The following NIPSNAP3A variants were observed in gnomAD, a reference collection of about 807,000 sequenced individuals.
NIPSNAP3A encodes protein NipSnap homolog 3A.
Under a neutral mutation model 32.3 loss-of-function variants are expected in NIPSNAP3A, and 27 were observed. That is an observed-to-expected ratio of 0.84 (90% CI 0.62 to 1.15). NIPSNAP3A has a LOEUF of 1.15. Among genes scored for constraint, NIPSNAP3A ranks in the 50% most tolerant of loss-of-function variants. The pLI, the probability that NIPSNAP3A is intolerant of heterozygous loss-of-function variation, is 0.00. For synonymous variants in NIPSNAP3A, 108 were observed against 107.3 expected (o/e 1.01, Z -0.04); for missense variants, 278 against 297.2 (o/e 0.94, Z 0.48).
intron 4 of NIPSNAP3A, among the ~76,000 whole-genome samples, chr9:104,757,158 G>T (rs1827915929): frequency 6.6e-6 from 1 of 152,108 alleles, no homozygotes; most frequent in Non-Finnish European, 1.5e-5. Flanking sequence ...CAGAAAATGT[G>T]TGTTCATACA....
At position 104,748,282 on chromosome 9, in the gene NIPSNAP3A, G is replaced by A. The variant is rs900133527; in HGVS notation, c.60+430G>A. 6.6e-5 allele frequency among the ~76,000 whole-genome samples: 10 copies of A among 152,316 alleles called. No individual in the cohort carries two copies. The East Asian group carries it at 9.6e-4, about 15-fold the overall frequency. On this transcript the variant is annotated intron_variant, in intron 1 of 5. Transcript: ENST00000374767. ...AAGCCACCGCCCTCTCTAGACATCAGGTTGAAGGAGGGAATTGTCAACCAG... is the reference window on the plus strand; with the variant it reads ...AAGCCACCGCCCTCTCTAGACATCAAGTTGAAGGAGGGAATTGTCAACCAG...
intron 3 of NIPSNAP3A, 139 bp from the exon 4 acceptor site, chr9:104,754,412 A>G (rs892804568): frequency 1.4e-6 from 1 of 695,808 alleles, no homozygotes; most frequent in Non-Finnish European, 2.4e-6. Context: ...TGCAAATATA[A>G]TAAACATGTC....
rs779088185 is a variant in NIPSNAP3A at position 104,747,809 on chromosome 9, G to A, written c.17G>A (p.Ser6Asn). 2.5e-6 allele frequency: 4 copies of A among 1,609,568 alleles called. No individual in the cohort carries two copies. The highest frequency in any genetic ancestry group is 2.2e-5 in the South Asian group (2 of 90,642). MLVLR[S>N]ALTRALASRT... Reference sequence around the variant, plus strand: ...AGCCGCGCCATGCTCGTCCTCAGAAGCGCCCTGACTCGGGCGCTGGCCTCA... The same window carrying A: ...AGCCGCGCCATGCTCGTCCTCAGAAACGCCCTGACTCGGGCGCTGGCCTCA... Residue 6 changes from serine to asparagine, a missense_variant, in exon 1 of 6, where the codon AGC becomes AAC. Transcript: ENST00000374767.
At position 104,747,799 on chromosome 9, in the gene NIPSNAP3A, G is replaced by C. The variant is rs747896387; in HGVS notation, c.7G>C (p.Val3Leu). The part of the protein sequence containing the change: ML[V>L]LRSALTRALA... ...TCAGCGCCGAAGCCGCGCCATGCTCGTCCTCAGAAGCGCCCTGACTCGGGC... is the reference window on the plus strand; with the variant it reads ...TCAGCGCCGAAGCCGCGCCATGCTCCTCCTCAGAAGCGCCCTGACTCGGGC... Residue 3 changes from valine to leucine, a missense_variant, in exon 1 of 6, where the codon GTC (valine) becomes CTC (leucine). Transcript: ENST00000374767. 9.9e-6 allele frequency: 16 copies of C among 1,608,880 alleles called. No homozygotes were observed. Among genetic ancestry groups the C allele is most frequent in the Non-Finnish European group, 1.2e-5 (14 of 1,178,970 alleles).
At position 104,754,365 on chromosome 9, in the gene NIPSNAP3A, A is replaced by G. The variant is rs551493305; in HGVS notation, c.431-186A>G. On this transcript the variant is annotated intron_variant, in intron 3 of 5. Transcript: ENST00000374767. ...ATTAAGCATAACAACTCACTCTTAA[A>G]CATGGGCAAGGACTTTCTAAGCATA... 46 of 559,482 alleles carry G rather than the reference A, an allele frequency of 8.2e-5. 1 individual carries two copies. The South Asian group carries it at 1.0e-3, about 12-fold the overall frequency. The allele number at this position is 559,482 out of a possible 1,614,324, so 34.7% of individuals were successfully genotyped here.
At chr9:104,755,553 T>C (rs1346675460) in intron 4 of NIPSNAP3A, among the ~76,000 whole-genome samples, 1 of 152,176 alleles carries the variant, frequency 6.6e-6, no homozygotes, top group African/African-American at 2.4e-5. Flanking sequence ...TAACTTGTAA[T>C]GTTGAAAAAC....
intron 3 of NIPSNAP3A, 192 bp from the exon 4 acceptor site, chr9:104,754,359 T>G: frequency 1.8e-6 from 1 of 551,132 alleles, no homozygotes; most frequent in Admixed American, 3.2e-5. Context: ...AACAACTCAC[T>G]CTTAAACATG....
In NIPSNAP3A at chr9:104,747,844, G is replaced by T; in HGVS notation, c.52G>T (p.Ala18Ser). 1 of 1,608,266 alleles carries T rather than the reference G, an allele frequency of 6.2e-7. No individual in the cohort carries two copies. The highest frequency in any genetic ancestry group is 8.5e-7 in the Non-Finnish European group (1 of 1,178,872). The change falls in exon 1 of 6, where the codon GCG becomes TCG. Residue 18 changes from alanine to serine, a missense_variant. Coordinates refer to ENST00000374767, the MANE Select transcript of NIPSNAP3A (RefSeq NM_015469.3). Reference protein sequence around the residue: ...LTRALASRTLAPQMCSSFATG... With the variant: ...LTRALASRTLSPQMCSSFATG... ...TCGGGCGCTGGCCTCACGGACGCTG[G>T]CGCCTCAGGTACCGGCCACGGGGGT...
At chr9:104,751,437 T>C (rs1049474797) in intron 2 of NIPSNAP3A, among the ~76,000 whole-genome samples, 1 of 152,162 alleles carries the variant, frequency 6.6e-6, no homozygotes, top group African/African-American at 2.4e-5. Context: ...AGCGATAAAA[T>C]TGTGAACTAG....
In NIPSNAP3A at chr9:104,758,628, G is replaced by A. The variant is rs114658338; in HGVS notation, c.581-457G>A. ...TGAAATCTTATCAGTAACATATTTAGTTTTACCTTTTTGATATCACTATTT... is the reference window on the plus strand; with the variant it reads ...TGAAATCTTATCAGTAACATATTTAATTTTACCTTTTTGATATCACTATTT... On this transcript the variant is annotated intron_variant, in intron 4 of 5. Coordinates refer to ENST00000374767, the MANE Select transcript of NIPSNAP3A (RefSeq NM_015469.3). Among the ~76,000 whole-genome samples the A allele has an allele frequency of 7.5e-3, 1,135 of 152,032 alleles. 22 individuals carry two copies. Among genetic ancestry groups the A allele is most frequent in the African/African-American group, 0.026 (1,072 of 41,448 alleles).
intron 3 of NIPSNAP3A, chr9:104,753,499 G>C (rs1047574796): frequency 1.3e-5 from 2 of 159,684 alleles, no homozygotes; most frequent in African/African-American, 4.8e-5. Context: ...TTATAAAACT[G>C]AGTATTTGGG....
intron 4 of NIPSNAP3A, 65 bp downstream of exon 4, chr9:104,754,765 C>T: frequency 7.7e-7 from 1 of 1,305,088 alleles, no homozygotes; most frequent in Non-Finnish European, 1.1e-6. Context: ...TTCCTTGGGT[C>T]AGGTTCTTTC....
intron 1 of NIPSNAP3A, 94 bp from the exon 2 acceptor site, chr9:104,750,862 T>C (rs1827839675): frequency 2.1e-6 from 2 of 955,184 alleles, no homozygotes; most frequent in Admixed American, 1.7e-5. Flanking sequence ...AATGAGTCTA[T>C]GAGTGTCCCT....
At position 104,751,059 on chromosome 9, in the gene NIPSNAP3A, A is replaced by C; in HGVS notation, c.164A>C (p.Asn55Thr). ...KPSKMNEFLENFEKNAHLRTA... is the reference protein window; with the variant it reads ...KPSKMNEFLETFEKNAHLRTA... ...TCAAAGATGAATGAGTTCCTGGAAA[A>C]TTTTGAGAAAAACGCTCATCTTCGG... is the stretch of plus-strand genomic sequence containing the variant. Residue 55 changes from asparagine (N) to threonine (T), a missense_variant, in exon 2 of 6, where the codon AAT (asparagine) becomes ACT (threonine). Asn to Thr is a moderately conservative substitution (Grantham distance 65, BLOSUM62 0). Transcript: ENST00000374767. 1 of 1,614,050 alleles carries C rather than the reference A, an allele frequency of 6.2e-7. No individual in the cohort carries two copies. Among genetic ancestry groups the C allele is most frequent in the Middle Eastern group, 1.7e-4 (1 of 6,060 alleles).
chr9:104,750,183 T>C (rs1198242257), intron 1 of NIPSNAP3A, among the ~76,000 whole-genome samples: 1 of 152,240 alleles, frequency 6.6e-6, no homozygotes, highest in Non-Finnish European at 1.5e-5. Flanking sequence ...TGCATAACTG[T>C]AACACGTATG....
chr9:104,759,904 T>C lies in NIPSNAP3A; in HGVS notation c.*566T>C, dbSNP rs1827953786. Reference sequence around the variant, plus strand: ...ATATGGTTTTCACATTAGTTATTTGTCACTTACTTGGAAAATGATGCTGTT... The same window carrying C: ...ATATGGTTTTCACATTAGTTATTTGCCACTTACTTGGAAAATGATGCTGTT... On this transcript the variant is annotated 3_prime_UTR_variant, in exon 6 of 6. Transcript: ENST00000374767. 1 of 152,454 alleles carries C rather than the reference T, an allele frequency of 6.6e-6. No homozygotes were observed. The allele number at this position is 152,454 out of a possible 1,614,324, so 9.4% of individuals were successfully genotyped here.
Position 104,752,796 on chromosome 9 carries a change from A to G in NIPSNAP3A, c.272-110A>G, listed in dbSNP as rs1827861217. 3 of 915,012 alleles carry G rather than the reference A, an allele frequency of 3.3e-6. No individual in the cohort carries two copies. In the South Asian group the frequency reaches 4.4e-5, roughly 13 times the overall value. 56.7% of individuals were successfully genotyped at this position (915,012 alleles called of 1,614,324 possible). On this transcript the variant is annotated intron_variant, in intron 2 of 5. Transcript: ENST00000374767. ...GTTGGTGTCTCCAAAGGCCTAACAC[A>G]AGGTTCTTATATGGCATCAATGACC...
At chr9:104,758,977 A>G (rs1827940584) in intron 4 of NIPSNAP3A, 108 bp from the exon 5 acceptor site, 1 of 893,524 alleles carries the variant, frequency 1.1e-6, no homozygotes, top group African/African-American at 1.8e-5. Flanking sequence ...GTTTCAAAAA[A>G]AAAAAAAAAA....
intron 1 of NIPSNAP3A, among the ~76,000 whole-genome samples, chr9:104,748,230 G>A (rs1039346787): frequency 6.6e-6 from 1 of 152,224 alleles, no homozygotes; most frequent in African/African-American, 2.4e-5. Flanking sequence ...TGGCGCTGTG[G>A]AGCCGCGGGT....
Sources: allele counts gnomAD v4.1 joint callset (sites outside exome capture counted in the v4.1 genomes callset), GRCh38; gene constraint gnomAD v4.1.1; transcripts MANE v1.5; gene names NCBI Gene and HGNC (gene_info 2026-07-23, HGNC 2026-07-21).